The following ACER3 variants were observed in gnomAD, a reference collection of about 807,000 sequenced individuals.
ACER3 encodes alkCDase 3.
Under a neutral mutation model 48.9 loss-of-function variants are expected in ACER3, and 16 were observed. The ratio of observed to expected loss-of-function variants is 0.33; its 90% CI spans 0.22 to 0.50. ACER3 has a LOEUF of 0.50. ACER3 is among the 20% of genes least tolerant of loss of function. The probability of loss-of-function intolerance (pLI) is 0.98; values close to 1 mark genes in which losing one functional copy is unlikely to be tolerated. For synonymous variants in ACER3, 109 were observed against 107.8 expected (o/e 1.01, Z -0.07); for missense variants, 227 against 326.0 (o/e 0.70, Z 2.34).
At chr11:76,916,600 A>G (rs565249204) in intron 1 of ACER3, among the ~76,000 whole-genome samples, 1 of 152,220 alleles carries the variant, frequency 6.6e-6, no homozygotes, top group Non-Finnish European at 1.5e-5. Context: ...AAATGTAGGT[A>G]GGATTTGATT....
intron 1 of ACER3, among the ~76,000 whole-genome samples, chr11:76,890,896 G>A (rs571031404): frequency 1.8e-4 from 27 of 152,122 alleles, no homozygotes; most frequent in African/African-American, 5.1e-4. Flanking sequence ...GAGGCAGGCG[G>A]ATCACCTGAG....
At chr11:76,956,281 G>GT (rs1947837143) in intron 2 of ACER3, among the ~76,000 whole-genome samples, 1 of 152,164 alleles carries the variant, frequency 6.6e-6, no homozygotes, top group Non-Finnish European at 1.5e-5. Context: ...AGAGAATGCT[G>GT]TTCTATTACA....
intron 2 of ACER3, among the ~76,000 whole-genome samples, chr11:76,942,314 G>A (rs1194530262): frequency 6.6e-6 from 1 of 151,904 alleles, no homozygotes; most frequent in Admixed American, 6.6e-5. Context: ...TGTTGTATCT[G>A]GCCTTTATTA....
intron 7 of ACER3, among the ~76,000 whole-genome samples, chr11:77,001,400 C>T (rs1286697771): frequency 2.0e-5 from 3 of 152,026 alleles, no homozygotes; most frequent in Admixed American, 6.6e-5. Context: ...GGATTACAGG[C>T]GCCCACCACC....
In ACER3 at chr11:77,021,617, A is replaced by G. The variant is rs1949474161; in HGVS notation, c.*1290A>G. 6.6e-6 allele frequency: 1 copy of G among 152,138 alleles called. No individual in the cohort carries two copies. Among genetic ancestry groups the G allele is most frequent in the African/African-American group, 2.4e-5 (1 of 41,428 alleles). The allele number at this position is 152,138 out of a possible 1,614,324, so 9.4% of individuals were successfully genotyped here. On this transcript the variant is annotated 3_prime_UTR_variant, in exon 11 of 11. Coordinates refer to ENST00000532485, the MANE Select transcript of ACER3 (RefSeq NM_018367.7). Reference sequence around the variant, plus strand: ...TGACTTTTTTTGCTTTATATAAATTATTGTAAAATCCAGATTGTTTTTACC... The same window carrying G: ...TGACTTTTTTTGCTTTATATAAATTGTTGTAAAATCCAGATTGTTTTTACC...
intron 1 of ACER3, among the ~76,000 whole-genome samples, chr11:76,868,566 C>T (rs552342623): frequency 8.5e-5 from 13 of 152,204 alleles, no homozygotes; most frequent in Non-Finnish European, 1.3e-4. Flanking sequence ...CCCTGCCCTT[C>T]TTTCACCTAC....
intron 1 of ACER3, among the ~76,000 whole-genome samples, chr11:76,918,758 C>A (rs991082265): frequency 6.6e-6 from 1 of 151,786 alleles, no homozygotes; most frequent in Non-Finnish European, 1.5e-5. Context: ...TGTTTTTACC[C>A]ATTTTGCAAG....
intron 1 of ACER3, among the ~76,000 whole-genome samples, chr11:76,882,456 A>T (rs7947809): frequency 6.6e-6 from 1 of 151,936 alleles, no homozygotes; most frequent in Non-Finnish European, 1.5e-5. Flanking sequence ...TCAGTTGTAG[A>T]GTGTCCACTT....
intron 2 of ACER3, among the ~76,000 whole-genome samples, chr11:76,953,150 A>G (rs184346259): frequency 2.0e-4 from 30 of 152,330 alleles, no homozygotes; most frequent in Admixed American, 2.6e-4. Flanking sequence ...ACTGAACTAC[A>G]AGCTACAGTG....
At chr11:76,906,560 G>A (rs1452223508) in intron 1 of ACER3, among the ~76,000 whole-genome samples, 3 of 152,080 alleles carry the variant, frequency 2.0e-5, no homozygotes, top group Non-Finnish European at 4.4e-5. Context: ...CTTCAGAGAG[G>A]CTAATTTGAG....
intron 2 of ACER3, among the ~76,000 whole-genome samples, chr11:76,940,744 G>T (rs58965767): frequency 9.9e-5 from 15 of 152,176 alleles, no homozygotes; most frequent in Admixed American, 8.5e-4. Flanking sequence ...ATGTGGTACT[G>T]TCATAATCTG....
intron 2 of ACER3, among the ~76,000 whole-genome samples, chr11:76,949,119 A>C (rs766593468): frequency 8.5e-5 from 13 of 152,160 alleles, no homozygotes; most frequent in Non-Finnish European, 1.6e-4. Context: ...ACCTTGAAAA[A>C]CTTTGGCTGG....
At chr11:76,900,849 T>A (rs1358811602) in intron 1 of ACER3, among the ~76,000 whole-genome samples, 2 of 152,196 alleles carry the variant, frequency 1.3e-5, no homozygotes, top group African/African-American at 4.8e-5. Flanking sequence ...TCTCCAAGGT[T>A]CATATCTTGA....
At chr11:76,950,291 A>G (rs1260323447) in intron 2 of ACER3, among the ~76,000 whole-genome samples, 4 of 140,890 alleles carry the variant, frequency 2.8e-5, no homozygotes, top group Non-Finnish European at 6.2e-5. Flanking sequence ...GTAGAGTCTA[A>G]AGTTTATTCT....
At chr11:76,948,237 G>A (rs966949017) in intron 2 of ACER3, among the ~76,000 whole-genome samples, 13 of 151,132 alleles carry the variant, frequency 8.6e-5, no homozygotes, top group African/African-American at 2.2e-4. Context: ...GTGTGTGTGT[G>A]TGTGTGTGTG....
chr11:76,990,620 GGCT>G, intron 6 of ACER3, 46 bp downstream of exon 6: 2 of 1,179,130 alleles, frequency 1.7e-6, no homozygotes, highest in South Asian at 2.6e-5. Context: ...TACGATACAT[GGCT>G]GCTTTGTGAT....
chr11:76,925,402 T>C (rs1408623494), intron 1 of ACER3, among the ~76,000 whole-genome samples: 1 of 152,230 alleles, frequency 6.6e-6, no homozygotes, highest in Non-Finnish European at 1.5e-5. Context: ...ATGTTTACAG[T>C]TATAGAGGAC....
At chr11:76,863,532 A>C (rs1944993915) in intron 1 of ACER3, among the ~76,000 whole-genome samples, 1 of 152,226 alleles carries the variant, frequency 6.6e-6, no homozygotes, top group Non-Finnish European at 1.5e-5. Flanking sequence ...TATCTACAGT[A>C]ATATATCTTG....
chr11:76,905,018 A>C (rs1159340797), intron 1 of ACER3, among the ~76,000 whole-genome samples: 1 of 151,928 alleles, frequency 6.6e-6, no homozygotes, highest in Non-Finnish European at 1.5e-5. Context: ...TGCCCAGCTA[A>C]TTTTTGTATT....
Sources: allele counts gnomAD v4.1 joint callset (sites outside exome capture counted in the v4.1 genomes callset), GRCh38; gene constraint gnomAD v4.1.1; transcripts MANE v1.5; gene names NCBI Gene and HGNC (gene_info 2026-07-23, HGNC 2026-07-21).